Variants in LRRC4C observed in about 807,000 individuals in gnomAD.
The protein encoded by LRRC4C is leucine rich repeat containing 4C.
A neutral mutation model predicts 33.6 loss-of-function variants in LRRC4C; 5 were observed. The observed-to-expected ratio is 0.15, with a 90% confidence interval of 0.08 to 0.31. The LOEUF is 0.31. LRRC4C is among the 10% of genes least tolerant of loss of function. LRRC4C has a pLI of 1.00. For missense variants in LRRC4C, 560 were observed against 796.7 expected, an observed-to-expected ratio of 0.70 and a Z score of 3.58; for synonymous variants, 329 against 302.0, an observed-to-expected ratio of 1.09 and a Z score of -0.93.
intron 1 of LRRC4C, among the ~76,000 whole-genome samples, chr11:41,215,178 T>A (rs1470110101): frequency 6.6e-6 from 1 of 151,362 alleles, no homozygotes; most frequent in South Asian, 2.1e-4. Context: ...GAACATACTA[T>A]CAATTGAAAA....
chr11:40,298,321 GC>G (rs1565247045), intron 4 of LRRC4C, among the ~76,000 whole-genome samples: 1 of 151,216 alleles, frequency 6.6e-6, no homozygotes, highest in Non-Finnish European at 1.5e-5. Flanking sequence ...GACTCTAAAG[GC>G]TGGTCAGAAA....
chr11:40,344,525 T>C (rs924087891), intron 3 of LRRC4C, among the ~76,000 whole-genome samples: 3 of 152,120 alleles, frequency 2.0e-5, no homozygotes, highest in Non-Finnish European at 4.4e-5. Flanking sequence ...GAGCCCTCTA[T>C]GATAACCCAC....
chr11:40,759,258 C>CAT (rs969651958), intron 2 of LRRC4C, among the ~76,000 whole-genome samples: 2 of 146,672 alleles, frequency 1.4e-5, no homozygotes, highest in Non-Finnish European at 3.0e-5. Context: ...GTACTTCTTC[C>CAT]ATATATATAT....
chr11:41,030,527 A>G (rs755513001), intron 1 of LRRC4C, among the ~76,000 whole-genome samples: 1 of 151,786 alleles, frequency 6.6e-6, no homozygotes, highest in South Asian at 2.1e-4. Context: ...AAACCTCCCA[A>G]CCAAAAGTCA....
intron 3 of LRRC4C, among the ~76,000 whole-genome samples, chr11:40,512,038 G>T (rs1297073371): frequency 6.6e-6 from 1 of 151,588 alleles, no homozygotes; most frequent in African/African-American, 2.4e-5. Flanking sequence ...GACAGGTCCA[G>T]AAAAAAAGAA....
intron 3 of LRRC4C, among the ~76,000 whole-genome samples, chr11:40,326,091 G>A (rs1298227899): frequency 4.0e-5 from 6 of 149,764 alleles, no homozygotes; most frequent in Admixed American, 6.7e-5. Context: ...GTGGAATTTT[G>A]TTGCACTTAG....
At position 40,805,597 on chromosome 11, in the gene LRRC4C, C is replaced by T. The variant is rs372117550; in HGVS notation, c.-407+128038G>A. Among the ~76,000 whole-genome samples, 59 of 152,154 alleles carry T rather than the reference C, an allele frequency of 3.9e-4. No individual in the cohort carries two copies. The East Asian group carries it at 8.3e-3, about 21-fold the overall frequency. ...CTAAACACTAGTTTCAAGAGTGTGA[C>T]GATAAGTAAGACATTATCTCCACCT... On this transcript the variant is annotated intron_variant, in intron 2 of 6. Transcript: ENST00000528697.
At chr11:40,942,212 G>C (rs1483299483) in intron 1 of LRRC4C, among the ~76,000 whole-genome samples, 1 of 152,116 alleles carries the variant, frequency 6.6e-6, no homozygotes. Flanking sequence ...GAATGGGAGT[G>C]AGCTACTAGC....
chr11:40,706,461 T>C (rs558840217), intron 2 of LRRC4C, among the ~76,000 whole-genome samples: 4 of 152,334 alleles, frequency 2.6e-5, no homozygotes, highest in African/African-American at 7.2e-5. Context: ...ATTTATTAAA[T>C]AGGGAATCCT....
intron 1 of LRRC4C, among the ~76,000 whole-genome samples, chr11:41,305,865 A>C (rs1407843067): frequency 1.5e-5 from 2 of 135,516 alleles, no homozygotes; most frequent in African/African-American, 5.3e-5. Context: ...ACCCTGCCAA[A>C]TCCCCCTCTG....
chr11:40,415,162 T>G (rs1361738224), intron 3 of LRRC4C, among the ~76,000 whole-genome samples: 1 of 152,158 alleles, frequency 6.6e-6, no homozygotes, highest in African/African-American at 2.4e-5. Flanking sequence ...AGGCATATGT[T>G]AAACACCTTT....
intron 5 of LRRC4C, among the ~76,000 whole-genome samples, chr11:40,227,408 C>T (rs1590762448): frequency 6.6e-6 from 1 of 152,270 alleles, no homozygotes; most frequent in East Asian, 1.9e-4. Context: ...TTCCTTTAAC[C>T]ACAGCCTGTT....
chr11:41,265,305 G>A (rs1949113606), intron 1 of LRRC4C, among the ~76,000 whole-genome samples: 2 of 152,024 alleles, frequency 1.3e-5, no homozygotes, highest in Non-Finnish European at 2.9e-5. Flanking sequence ...AAAATTAAAG[G>A]TACGTTAGAG....
chr11:40,348,576 T>C (rs181877053), intron 3 of LRRC4C, among the ~76,000 whole-genome samples: 1 of 152,214 alleles, frequency 6.6e-6, no homozygotes, highest in Admixed American at 6.5e-5. Flanking sequence ...TTGTAGTAGT[T>C]ATGGGGACAT....
At chr11:41,373,650 T>A (rs1952833952) in intron 1 of LRRC4C, among the ~76,000 whole-genome samples, 1 of 152,154 alleles carries the variant, frequency 6.6e-6, no homozygotes, top group Admixed American at 6.5e-5. Flanking sequence ...CAAATGGCCA[T>A]GATCTTTTCA....
chr11:40,497,485 C>A (rs1954524958), intron 3 of LRRC4C, among the ~76,000 whole-genome samples: 1 of 151,954 alleles, frequency 6.6e-6, no homozygotes, highest in Non-Finnish European at 1.5e-5. Context: ...ACTAATATCT[C>A]CACTGCATAT....
chr11:41,244,753 A>T (rs1948384774), intron 1 of LRRC4C, among the ~76,000 whole-genome samples: 1 of 152,252 alleles, frequency 6.6e-6, no homozygotes, highest in Middle Eastern at 3.4e-3. Context: ...CCAAATTTTG[A>T]TTGAAGATGA....
chr11:41,320,004 G>T (rs977506382), intron 1 of LRRC4C, among the ~76,000 whole-genome samples: 10 of 151,950 alleles, frequency 6.6e-5, no homozygotes, highest in African/African-American at 2.4e-4. Context: ...TTAAAAAAAA[G>T]AATCAATACA....
At chr11:41,363,869 TA>T (rs1381398824) in intron 1 of LRRC4C, among the ~76,000 whole-genome samples, 1 of 152,204 alleles carries the variant, frequency 6.6e-6, no homozygotes, top group African/African-American at 2.4e-5. Context: ...AAGTTTCAGT[TA>T]AATTGTAGTC....
Sources: allele counts gnomAD v4.1 joint callset (sites outside exome capture counted in the v4.1 genomes callset), GRCh38; gene constraint gnomAD v4.1.1; transcripts MANE v1.5; gene names NCBI Gene and HGNC (gene_info 2026-07-23, HGNC 2026-07-21).